DNAH10: variants seen among roughly 807,000 people sequenced by gnomAD.
DNAH10 encodes dynein axonemal heavy chain 10, also known as axonemal beta dynein heavy chain 10.
Under a neutral mutation model 506.6 loss-of-function variants are expected in DNAH10, and 348 were observed. That is an observed-to-expected ratio of 0.69 (90% confidence interval 0.63 to 0.75). The LOEUF (loss-of-function observed/expected upper bound fraction) is 0.75, where lower values mean the gene tolerates loss of function less well. Among genes scored for constraint, DNAH10 ranks in the 30% least tolerant of loss-of-function variants. The probability of loss-of-function intolerance (pLI) is 0.00; values close to 1 mark genes in which losing one functional copy is unlikely to be tolerated. For synonymous variants in DNAH10, 2,059 were observed against 2,198.6 expected, an observed-to-expected ratio of 0.94 and a Z score of 1.78; for missense variants, 5,179 against 5,787.1, an observed-to-expected ratio of 0.89 and a Z score of 3.41.
At chr12:123,908,145 C>T (rs1566083043) in intron 57 of DNAH10, among the ~76,000 whole-genome samples, 1 of 147,760 alleles carries the variant, frequency 6.8e-6, no homozygotes, top group Non-Finnish European at 1.5e-5. Flanking sequence ...GTCTCTCTGT[C>T]TCCTCCCTGT....
At position 123,859,267 on chromosome 12, in the gene DNAH10, A is replaced by G. The variant is rs200692078; in HGVS notation, c.6748A>G (p.Lys2250Glu). Residue 2250 changes from lysine to glutamate, a missense_variant and splice_region_variant, in exon 38 of 79, where the codon AAG (lysine) becomes GAG (glutamate). By Grantham distance (56) the Lys-to-Glu change is moderately conservative. Transcript: ENST00000673944. Reference sequence around the variant, plus strand: ...TAACACTCTGTGTCAGGCCCAGACCAAGTGAGTATGACCTCCGTAGGGAGG... The same window carrying G: ...TAACACTCTGTGTCAGGCCCAGACCGAGTGAGTATGACCTCCGTAGGGAGG... ...VINTLCQAQT[K>E]LGLTTKLYIL... 1,521 of 1,597,392 alleles carry G rather than the reference A, an allele frequency of 9.5e-4. 2 individuals are homozygous for G. The highest frequency in any genetic ancestry group is 1.2e-3 in the Non-Finnish European group (1,396 of 1,173,684).
At position 123,848,824 on chromosome 12, in the gene DNAH10, T is replaced by A; in HGVS notation, c.6044T>A (p.Ile2015Asn). 1 of 1,613,890 alleles carries A rather than the reference T, an allele frequency of 6.2e-7. No homozygotes were observed. Among genetic ancestry groups the A allele is most frequent in the Non-Finnish European group, 8.5e-7 (1 of 1,179,870 alleles). The change falls in exon 34 of 79, where the codon ATC becomes AAC. Residue 2015 changes from isoleucine (I) to asparagine (N), a missense_variant. By Grantham distance (149) the Ile-to-Asn change is moderately radical (BLOSUM62 -3). Around this residue, in one of 3 missense-constraint regions of DNAH10, gnomAD observed 4,844 missense variants for 5,430.5 expected, o/e 0.89. Transcript: ENST00000673944. ...NRIDASVLSV[I>N]SSQIQTIRNA... ...ATCGATGCTTCTGTGCTCTCCGTGA[T>A]CTCCTCCCAGATCCAGACGATCCGA...
intron 24 of DNAH10, 88 bp from the exon 25 acceptor site, chr12:123,826,599 G>A: frequency 8.3e-7 from 1 of 1,199,118 alleles, no homozygotes; most frequent in Non-Finnish European, 1.2e-6. Context: ...TAAAATATCT[G>A]AACGTGACTA....
intron 54 of DNAH10, among the ~76,000 whole-genome samples, chr12:123,895,271 A>C (rs1594311739): frequency 1.3e-5 from 2 of 152,352 alleles, no homozygotes; most frequent in South Asian, 4.1e-4. Flanking sequence ...TGTTTGAATA[A>C]GAAAGGAAGT....
intron 30 of DNAH10, among the ~76,000 whole-genome samples, chr12:123,843,647 G>A (rs1285067560): frequency 2.6e-5 from 4 of 152,070 alleles, no homozygotes; most frequent in African/African-American, 9.6e-5. Context: ...GCGCTATCTC[G>A]GCTTACTACA....
chr12:123,915,761 C>T (rs529812041), intron 62 of DNAH10, among the ~76,000 whole-genome samples: 1 of 152,290 alleles, frequency 6.6e-6, no homozygotes, highest in East Asian at 1.9e-4. Flanking sequence ...TGTGTTCATC[C>T]ATCCATTTGC....
chr12:123,807,043 C>T (rs1356810596), intron 18 of DNAH10, among the ~76,000 whole-genome samples: 1 of 152,222 alleles, frequency 6.6e-6, no homozygotes, highest in African/African-American at 2.4e-5. Flanking sequence ...TCTGGGATTA[C>T]AGGCGTGAGC....
rs760339514 is a variant in DNAH10, at chr12:123,857,116, G to A, written c.6499G>A (p.Val2167Ile). The change falls in exon 37 of 79, where the codon GTT becomes ATT. Residue 2167 changes from valine to isoleucine, a missense_variant. By Grantham distance (29) the Val-to-Ile change is conservative. Around this residue, in one of 3 missense-constraint regions of DNAH10, gnomAD observed 4,844 missense variants for 5,430.5 expected, o/e 0.89. Transcript: ENST00000673944. ...MNLPKFVFED[V>I]PLFLGLISDL... is the part of the protein sequence containing the mutation. Reference sequence around the variant, plus strand: ...CTTGCCCAAATTTGTGTTTGAAGATGTTCCTCTTTTCCTTGGTTTGATTTC... The same window carrying A: ...CTTGCCCAAATTTGTGTTTGAAGATATTCCTCTTTTCCTTGGTTTGATTTC... 39 of 1,612,992 alleles carry A rather than the reference G, an allele frequency of 2.4e-5. No individual in the cohort carries two copies. The highest frequency in any genetic ancestry group is 4.0e-5 in the African/African-American group (3 of 74,866).
intron 53 of DNAH10, 34 bp from the exon 54 acceptor site, chr12:123,894,608 TG>T: frequency 1.3e-6 from 2 of 1,597,012 alleles, no homozygotes; most frequent in Non-Finnish European, 1.7e-6. Flanking sequence ...TTGCCCAGGC[TG>T]GGAGCATCTT....
rs1565991831 is a variant in DNAH10 at position 123,850,880 on chromosome 12, C to A, written c.6103-8C>A. On this transcript the variant is annotated splice_region_variant and splice_polypyrimidine_tract_variant and intron_variant, in intron 34 of 78. Transcript: ENST00000673944. This position sits in a 1 kb window ranked among gnomAD's most constrained non-coding sequence, Gnocchi z 5.5. Reference sequence around the variant, plus strand: ...CTGCTTCTTTCTTTCTTCCTTCTTGCCCTCCAGTTTGAAGGGCAGGAGATT... The same window carrying A: ...CTGCTTCTTTCTTTCTTCCTTCTTGACCTCCAGTTTGAAGGGCAGGAGATT... The A allele has an allele frequency of 6.2e-7, 1 of 1,600,942 alleles. No homozygotes were observed. The highest frequency in any genetic ancestry group is 1.1e-5 in the South Asian group (1 of 89,814).
In DNAH10 at chr12:123,819,239, A is replaced by G; in HGVS notation, c.3989A>G (p.Asp1330Gly). Residue 1330 changes from aspartate (D) to glycine (G), a missense_variant, in exon 23 of 79, where the codon GAT becomes GGT. This residue lies in a region of DNAH10 where 4,844 missense variants were observed against 5,430.5 expected (regional missense o/e 0.89). Transcript: ENST00000673944. ...YSEGPGSVGDDLDKGVELLGV... is the reference protein window; with the variant it reads ...YSEGPGSVGDGLDKGVELLGV... ...GAAGGCCCTGGTTCTGTTGGTGATG[A>G]TCTTGATAAAGGTAAGAATGTTCCT... The G allele has an allele frequency of 1.2e-6, 2 of 1,611,980 alleles. No individual in the cohort carries two copies. Among genetic ancestry groups the G allele is most frequent in the East Asian group, 4.5e-5 (2 of 44,856 alleles).
At chr12:123,873,511 A>G in intron 45 of DNAH10, 47 bp from the exon 46 acceptor site, 1 of 1,567,846 alleles carries the variant, frequency 6.4e-7, no homozygotes, top group Non-Finnish European at 8.6e-7. Context: ...TACTGCTGCT[A>G]CCCTGGGGAA....
In DNAH10 at chr12:123,785,608, C is replaced by T. The variant is rs1009294594; in HGVS notation, c.1231-138C>T. The T allele has an allele frequency of 7.4e-6, 6 of 805,412 alleles. No individual in the cohort carries two copies. The highest frequency in any genetic ancestry group is 7.2e-6 in the Non-Finnish European group (4 of 552,298). The allele number at this position is 805,412 out of a possible 1,614,324, so 49.9% of individuals were successfully genotyped here. ...AAGCCATGTTTGTGCCATTGCACTC[C>T]AGCCTGGGCACCAGACTTGGTCTCA... is the stretch of plus-strand genomic sequence containing the variant. On this transcript the variant is annotated intron_variant, in intron 8 of 78. Transcript: ENST00000673944. This position sits in a 1 kb window ranked among gnomAD's most constrained non-coding sequence, Gnocchi z 4.1.
Position 123,930,453 on chromosome 12 carries a change from A to G in DNAH10, c.12664A>G (p.Ile4222Val), listed in dbSNP as rs1383168028. 4 of 1,603,522 alleles carry G rather than the reference A, an allele frequency of 2.5e-6. No individual in the cohort carries two copies. Among genetic ancestry groups the G allele is most frequent in the African/African-American group, 1.3e-5 (1 of 74,080 alleles). The part of the protein sequence containing the change: ...IDSFDRRILT[I>V]YMDEYLGDFI... ...CAGCTTTGATCGCCGCATCCTGACC[A>G]TCTACATGGATGAGTACCTGGGGGA... The change falls in exon 73 of 79, where the codon ATC (isoleucine) becomes GTC (valine). Residue 4222 changes from isoleucine to valine, a missense_variant. Physicochemically the swap from Ile to Val is conservative, Grantham distance 29. Transcript: ENST00000673944.
chr12:123,894,515 C>T (rs1215147341), intron 53 of DNAH10, 128 bp from the exon 54 acceptor site: 3 of 779,560 alleles, frequency 3.8e-6, no homozygotes, highest in Non-Finnish European at 6.2e-6. Flanking sequence ...GCCTTGGCCT[C>T]CCAAAGTGCT....
rs377341530 is a variant in DNAH10 at position 123,931,684 on chromosome 12, C to A, written c.12965C>A (p.Ala4322Asp). 5 of 1,613,970 alleles carry A rather than the reference C, an allele frequency of 3.1e-6. No homozygotes were observed. Among genetic ancestry groups the A allele is most frequent in the Non-Finnish European group, 4.2e-6 (5 of 1,179,890 alleles). ...CGCGATGATTATATTGGCCAAGTGG[C>A]CAAAGAAATAGAAAACAAGATGCCC... ...ISRDDYIGQV[A>D]KEIENKMPKV... Residue 4322 changes from alanine to aspartate, a missense_variant, in exon 75 of 79, where the codon GCC (alanine) becomes GAC (aspartate). Physicochemically the swap from Ala to Asp is moderately radical, Grantham distance 126 (BLOSUM62 -2). This residue lies in a region of DNAH10 where 4,844 missense variants were observed against 5,430.5 expected (regional missense o/e 0.89). Transcript: ENST00000673944.
intron 73 of DNAH10, 63 bp downstream of exon 73, chr12:123,930,636 C>T: frequency 2.6e-6 from 4 of 1,555,960 alleles, no homozygotes; most frequent in Non-Finnish European, 2.6e-6. Context: ...CCATACATTT[C>T]AACCGGCTCC....
At chr12:123,786,019 TAA>T in intron 9 of DNAH10, 83 bp downstream of exon 9, 2 of 1,366,884 alleles carry the variant, frequency 1.5e-6, no homozygotes, top group Non-Finnish European at 2.0e-6. Context: ...TATTGAGCTA[TAA>T]TTCACATATA....
chr12:123,850,952 A>G lies in DNAH10; in HGVS notation c.6167A>G (p.Tyr2056Cys), dbSNP rs1951135898. Residue 2056 changes from tyrosine (Y) to cysteine (C), a missense_variant, in exon 35 of 79, where the codon TAC becomes TGC. This residue lies in a region of DNAH10 where 4,844 missense variants were observed against 5,430.5 expected (regional missense o/e 0.89). Coordinates refer to ENST00000673944, the MANE Select transcript of DNAH10 (RefSeq NM_001372106.1). This position sits in a 1 kb window ranked among gnomAD's most constrained non-coding sequence, Gnocchi z 5.5. Reference sequence around the variant, plus strand: ...ATCTTCATCACCATGAACCCCGGCTACGCAGGCCGCACGGAGCTGCCCGAG... The same window carrying G: ...ATCTTCATCACCATGAACCCCGGCTGCGCAGGCCGCACGGAGCTGCCCGAG... ...MGIFITMNPG[Y>C]AGRTELPESV... is the part of the protein sequence containing the mutation. 5 of 1,613,882 alleles carry G rather than the reference A, an allele frequency of 3.1e-6. No homozygotes were observed. The highest frequency in any genetic ancestry group is 2.7e-5 in the African/African-American group (2 of 74,928).
Sources: gnomAD v4.1 joint callset for allele counts (sites outside exome capture counted in the v4.1 genomes callset) on GRCh38, gnomAD v4.1.1 for gene constraint, gnomAD v4.1.1 regional missense constraint, Gnocchi (gnomAD v3.1) non-coding constraint, MANE v1.5 for transcripts, NCBI Gene and HGNC (gene_info 2026-07-23, HGNC 2026-07-21) for gene names.